The following ATP9B variants were observed in gnomAD, a reference collection of about 807,000 sequenced individuals.
The protein encoded by ATP9B is probable phospholipid-transporting ATPase IIB.
In ATP9B, 110 loss-of-function variants were observed where a neutral mutation model predicts 146.1. The observed-to-expected ratio is 0.75, with a 90% confidence interval of 0.65 to 0.88. The LOEUF (loss-of-function observed/expected upper bound fraction) is 0.88, where lower values mean the gene tolerates loss of function less well. ATP9B is among the 40% of genes least tolerant of loss of function. The pLI is 0.00. For missense variants in ATP9B, 1,499 were observed against 1,496.4 expected, an observed-to-expected ratio of 1.00 and a Z score of -0.03; for synonymous variants, 604 against 569.7, an observed-to-expected ratio of 1.06 and a Z score of -0.86.
chr18:79,315,030 A>G (rs967517062), intron 15 of ATP9B, among the ~76,000 whole-genome samples: 1 of 152,220 alleles, frequency 6.6e-6, no homozygotes, highest in Non-Finnish European at 1.5e-5. Flanking sequence ...CTAGCTGTTT[A>G]GTAGTCTCAT....
At chr18:79,340,283 C>T (rs895536684) in intron 19 of ATP9B, 1 of 152,120 alleles carries the variant, frequency 6.6e-6, no homozygotes. Context: ...GAGTTTTGCT[C>T]TTTATTCTTT....
chr18:79,312,454 G>T (rs2096658031), intron 15 of ATP9B, among the ~76,000 whole-genome samples: 1 of 152,182 alleles, frequency 6.6e-6, no homozygotes, highest in African/African-American at 2.4e-5. Flanking sequence ...TCCCTTGGCT[G>T]CCCTCACCCC....
At chr18:79,193,293 A>G (rs777989191) in intron 9 of ATP9B, 30 bp downstream of exon 9, 1 of 1,514,926 alleles carries the variant, frequency 6.6e-7, no homozygotes, top group South Asian at 1.2e-5. Flanking sequence ...CAATACAAAT[A>G]GAGTTATTGT....
At chr18:79,192,582 T>C (rs529083418) in intron 8 of ATP9B, among the ~76,000 whole-genome samples, 3 of 152,224 alleles carry the variant, frequency 2.0e-5, no homozygotes, top group Non-Finnish European at 4.4e-5. Context: ...ACCCTATGTC[T>C]TTTCTGCTCT....
In ATP9B at chr18:79,298,466, C is replaced by T. The variant is rs531407350; in HGVS notation, c.1412-5138C>T. ...ACTCATGAAAGAAACCAAAATAGAC[C>T]GAAATAAACACAGTGATTTTGCTCA... On this transcript the variant is annotated intron_variant, in intron 13 of 29. Coordinates refer to ENST00000426216, the MANE Select transcript of ATP9B (RefSeq NM_198531.5). Among the ~76,000 whole-genome samples the T allele has an allele frequency of 8.2e-5, 12 of 146,558 alleles. 2 individuals carry two copies. Among genetic ancestry groups the T allele is most frequent in the Middle Eastern group, 3.2e-3 (1 of 310 alleles).
intron 15 of ATP9B, among the ~76,000 whole-genome samples, chr18:79,321,724 G>C (rs1251836520): frequency 6.6e-6 from 1 of 152,158 alleles, no homozygotes; most frequent in African/African-American, 2.4e-5. Flanking sequence ...TGCTGGGCTA[G>C]GTATAAGAAG....
At chr18:79,135,168 C>A (rs957771916) in intron 5 of ATP9B, among the ~76,000 whole-genome samples, 1 of 152,192 alleles carries the variant, frequency 6.6e-6, no homozygotes. Flanking sequence ...CTGTGCCTCT[C>A]AGCCTGAGTA....
chr18:79,272,843 T>G (rs1427536200), intron 12 of ATP9B, among the ~76,000 whole-genome samples: 1 of 152,194 alleles, frequency 6.6e-6, no homozygotes, highest in Non-Finnish European at 1.5e-5. Context: ...TTCCCGAGGC[T>G]CAGAAAAATC....
chr18:79,221,928 TAA>T (rs11308061), intron 11 of ATP9B, among the ~76,000 whole-genome samples: 6,053 of 131,452 alleles, frequency 0.046, 168 homozygotes, highest in African/African-American at 0.07. Flanking sequence ...TTAGCTGCTT[TAA>T]AAAAAAAAAA....
At chr18:79,226,188 T>C (rs900605062) in intron 11 of ATP9B, among the ~76,000 whole-genome samples, 1 of 152,228 alleles carries the variant, frequency 6.6e-6, no homozygotes, top group Non-Finnish European at 1.5e-5. Context: ...GCCTGAGTCA[T>C]GTTTATGAAA....
intron 15 of ATP9B, among the ~76,000 whole-genome samples, chr18:79,327,543 TCTCCGTGGTTAGCGTG>T (rs1207777239): frequency 2.0e-4 from 26 of 131,862 alleles, no homozygotes; most frequent in African/African-American, 7.7e-4. Context: ...GTTAGCGTGC[TCTCCGTGGTTAGCGTG>T]CTCTCCGTGG....
intron 7 of ATP9B, among the ~76,000 whole-genome samples, chr18:79,169,877 C>A (rs1365643967): frequency 6.6e-6 from 1 of 152,154 alleles, no homozygotes; most frequent in Non-Finnish European, 1.5e-5. Context: ...CAGTGAGGAG[C>A]TTTGAAAGGC....
intron 7 of ATP9B, among the ~76,000 whole-genome samples, chr18:79,173,931 C>T (rs1415822642): frequency 6.6e-6 from 1 of 152,118 alleles, no homozygotes; most frequent in East Asian, 1.9e-4. Flanking sequence ...CACCTGTTGG[C>T]ATTTATGGGT....
Position 79,096,644 on chromosome 18 carries a change from T to C in ATP9B, c.288T>C (p.Cys96=). ...WFVCDGWKFL[C]TSCCGWLINI... is the part of the protein sequence containing the mutation. ...TCTGTGATGGCTGGAAGTTCCTCTG[T>C]ACCAGGTTTGTTATCCATTGCTACC... The change falls in exon 2 of 30, where the codon TGT becomes TGC. Residue 96 remains cysteine, a synonymous_variant. Coordinates refer to ENST00000426216, the MANE Select transcript of ATP9B (RefSeq NM_198531.5). 5.0e-6 allele frequency: 8 copies of C among 1,612,084 alleles called. No individual in the cohort carries two copies. The highest frequency in any genetic ancestry group is 5.9e-6 in the Non-Finnish European group (7 of 1,178,904).
rs553937934 is a variant in ATP9B, at chr18:79,347,848, G to A, written c.2761G>A (p.Gly921Arg). ...CATAGGCAGGCTGCTCATGGTGCAC[G>A]GGCGGAACAGCTACAAGAGGTCGGC... The part of the protein sequence containing the change: ...RHIGRLLMVH[G>R]RNSYKRSAAL... The change falls in exon 24 of 30, where the codon GGG becomes AGG. Residue 921 changes from glycine to arginine, a missense_variant. Transcript: ENST00000426216. The A allele has an allele frequency of 5.0e-6, 8 of 1,613,692 alleles. No individual in the cohort carries two copies. Among genetic ancestry groups the A allele is most frequent in the South Asian group, 4.4e-5 (4 of 91,046 alleles).
In ATP9B at chr18:79,337,275, C is replaced by G; in HGVS notation, c.2113-4C>G. On this transcript the variant is annotated splice_region_variant and splice_polypyrimidine_tract_variant and intron_variant, in intron 18 of 29. Coordinates refer to ENST00000426216, the MANE Select transcript of ATP9B (RefSeq NM_198531.5). ...CACACAGGCGCCTCCCCCTCTGTCCCCAGAGCCGATACACTCAAGCCAAGC... is the reference window on the plus strand; with the variant it reads ...CACACAGGCGCCTCCCCCTCTGTCCGCAGAGCCGATACACTCAAGCCAAGC... The G allele has an allele frequency of 6.2e-7, 1 of 1,613,832 alleles. No individual in the cohort carries two copies.
rs538454957 is a variant in ATP9B, at chr18:79,097,887, T to C, written c.293+1238T>C. Among the ~76,000 whole-genome samples the C allele has an allele frequency of 1.3e-3, 196 of 151,346 alleles. 2 individuals are homozygous for C. The highest frequency in any genetic ancestry group is 4.7e-3 in the African/African-American group (194 of 41,034). ...CATGATTTATAGTCATTTGGGTATA[T>C]ACCCAGTAATGGGATGGCTGGGTCA... On this transcript the variant is annotated intron_variant, in intron 2 of 29. Coordinates refer to ENST00000426216, the MANE Select transcript of ATP9B (RefSeq NM_198531.5).
intron 9 of ATP9B, among the ~76,000 whole-genome samples, chr18:79,201,441 C>G (rs2095486967): frequency 1.3e-5 from 2 of 152,134 alleles, no homozygotes. Flanking sequence ...AGCTTAAATA[C>G]TTAAATAAGA....
In ATP9B at chr18:79,096,627, G is replaced by C. The variant is rs144519079; in HGVS notation, c.271G>C (p.Gly91Arg). The part of the protein sequence containing the change: ...KRGLEWFVCD[G>R]WKFLCTSCCG... ...AGGACTGGAGTGGTTTGTCTGTGAT[G>C]GCTGGAAGTTCCTCTGTACCAGGTT... Residue 91 changes from glycine to arginine, a missense_variant, in exon 2 of 30, where the codon GGC becomes CGC. Coordinates refer to ENST00000426216, the MANE Select transcript of ATP9B (RefSeq NM_198531.5). 7,346 of 1,613,428 alleles carry C rather than the reference G, an allele frequency of 4.6e-3. 22 individuals are homozygous for C. Among genetic ancestry groups the C allele is most frequent in the Admixed American group, 6.2e-3 (374 of 59,928 alleles).
Sources: gnomAD v4.1 joint callset for allele counts (sites outside exome capture counted in the v4.1 genomes callset) on GRCh38, gnomAD v4.1.1 for gene constraint, MANE v1.5 for transcripts, NCBI Gene and HGNC (gene_info 2026-07-23, HGNC 2026-07-21) for gene names.